XPO4: variants seen among roughly 807,000 people sequenced by gnomAD.
XPO4 encodes exportin 4.
Under a neutral mutation model 143.0 loss-of-function variants are expected in XPO4, and 39 were observed. That is an observed-to-expected ratio of 0.27 (90% confidence interval 0.21 to 0.36). The LOEUF (loss-of-function observed/expected upper bound fraction) is 0.36. Among genes scored for constraint, XPO4 ranks in the 10% least tolerant of loss-of-function variants. The pLI, the probability that XPO4 is intolerant of heterozygous loss-of-function variation, is 1.00. For synonymous variants in XPO4, 439 were observed against 474.0 expected (o/e 0.93, Z 0.96); for missense variants, 907 against 1,348.0 (o/e 0.67, Z 5.12).
intron 1 of XPO4, among the ~76,000 whole-genome samples, chr13:20,873,596 A>G (rs2060323213): frequency 6.6e-6 from 1 of 152,192 alleles, no homozygotes; most frequent in Non-Finnish European, 1.5e-5. Context: ...TCCTCAAAAC[A>G]GTCAGGAATC....
chr13:20,833,104 G>C (rs1260644727), intron 6 of XPO4, among the ~76,000 whole-genome samples: 1 of 152,108 alleles, frequency 6.6e-6, no homozygotes, highest in Non-Finnish European at 1.5e-5. Flanking sequence ...AAGCATTTAT[G>C]AACACCAGGT....
rs1017821348 is a variant in XPO4 at position 20,851,245 on chromosome 13, C to T, written c.456+4382G>A. The T allele has an allele frequency of 2.9e-5, 29 of 985,340 alleles. No individual in the cohort carries two copies. In the East Asian group the frequency reaches 3.0e-3, roughly 100 times the overall value. 61.0% of individuals were successfully genotyped at this position (985,340 alleles called of 1,614,324 possible). On this transcript the variant is annotated intron_variant, in intron 4 of 22. Transcript: ENST00000255305. ...CTAGTTTCAAGCTACTGGGCAAGGA[C>T]AAATAGGGACAGTGTATGCATTTAA...
At chr13:20,849,155 T>C in intron 4 of XPO4, 3 of 985,434 alleles carry the variant, frequency 3.0e-6, no homozygotes, top group Non-Finnish European at 3.6e-6. Flanking sequence ...TCTCTTATAA[T>C]AGCCTGGCTC....
chr13:20,783,733 A>G lies in XPO4; in HGVS notation c.3445T>C (p.Cys1149Arg). The G allele has an allele frequency of 6.2e-7, 1 of 1,614,200 alleles. No homozygotes were observed. The highest frequency in any genetic ancestry group is 1.1e-5 in the South Asian group (1 of 91,090). Residue 1149 changes from cysteine (C) to arginine (R), a missense_variant, in exon 23 of 23, where the codon TGT becomes CGT. Cys to Arg is a radical substitution (Grantham distance 180). Coordinates refer to ENST00000255305, the MANE Select transcript of XPO4 (RefSeq NM_022459.5). ...EFMANVGGLL[C>R]VK ...TAAAGTTCTGTTGTTTATTTTACAC[A>G]AAGGAGACCACCAACATTTGCCATA...
intron 1 of XPO4, among the ~76,000 whole-genome samples, chr13:20,896,476 TTA>T (rs1301249632): frequency 6.6e-6 from 1 of 152,212 alleles, no homozygotes; most frequent in Non-Finnish European, 1.5e-5. Context: ...GCCCTATAAT[TTA>T]TTTCTACAGT....
intron 4 of XPO4, among the ~76,000 whole-genome samples, chr13:20,854,747 A>C (rs1245534697): frequency 6.6e-6 from 1 of 152,180 alleles, no homozygotes; most frequent in African/African-American, 2.4e-5. Context: ...ATTACAACCA[A>C]ACAGCCACTC....
In XPO4 at chr13:20,868,712, A is replaced by G; in HGVS notation, c.70-11T>C. ...CATGGAAGGTGGTGCCTTGAGAGTT[A>G]AAGACAAGAACAGATACACTTATCT... On this transcript the variant is annotated splice_polypyrimidine_tract_variant and intron_variant, in intron 1 of 22. Transcript: ENST00000255305. 6.2e-7 allele frequency: 1 copy of G among 1,610,136 alleles called. No homozygotes were observed. Among genetic ancestry groups the G allele is most frequent in the South Asian group, 1.1e-5 (1 of 90,600 alleles).
chr13:20,796,646 T>C, intron 17 of XPO4, 118 bp downstream of exon 17: 1 of 848,268 alleles, frequency 1.2e-6, no homozygotes, highest in Non-Finnish European at 1.6e-6. Context: ...AAAAATCTTT[T>C]GAAGGAATAA....
intron 1 of XPO4, among the ~76,000 whole-genome samples, chr13:20,871,390 G>A (rs548226627): frequency 6.6e-6 from 1 of 152,252 alleles, no homozygotes; most frequent in South Asian, 2.1e-4. Context: ...CATGATCATA[G>A]TTCACTGTAA....
intron 1 of XPO4, among the ~76,000 whole-genome samples, chr13:20,891,861 T>C (rs1336089173): frequency 5.7e-5 from 6 of 104,458 alleles, no homozygotes; most frequent in African/African-American, 1.5e-4. Context: ...AGACTCCATC[T>C]CCAAAAAAAA....
chr13:20,849,624 T>C (rs2060063828), intron 4 of XPO4: 1 of 985,184 alleles, frequency 1.0e-6, no homozygotes, highest in Admixed American at 6.1e-5. Context: ...ACATCATAAC[T>C]GCCCACAAGC....
At chr13:20,821,908 G>A (rs761112756) in intron 8 of XPO4, 30 bp from the exon 9 acceptor site, 48 of 1,562,518 alleles carry the variant, frequency 3.1e-5, no homozygotes, top group Non-Finnish European at 4.0e-5. Flanking sequence ...ATTATTAAGT[G>A]GCAGTAAAAG....
rs749519832 is a variant in XPO4 at position 20,835,129 on chromosome 13, C to T, written c.727+7766G>A. 1.2e-3 allele frequency among the ~76,000 whole-genome samples: 179 copies of T among 152,098 alleles called. 1 individual carries two copies. The highest frequency in any genetic ancestry group is 7.1e-4 in the Non-Finnish European group (48 of 68,022). On this transcript the variant is annotated intron_variant, in intron 6 of 22. Coordinates refer to ENST00000255305, the MANE Select transcript of XPO4 (RefSeq NM_022459.5). ...AAGCCATACTCCTGCCTTGGCCTCC[C>T]AAAGTGCTGAGATTCAGGTGTTAGC...
At chr13:20,870,799 T>C (rs978396415) in intron 1 of XPO4, among the ~76,000 whole-genome samples, 3 of 152,096 alleles carry the variant, frequency 2.0e-5, no homozygotes, top group African/African-American at 7.2e-5. Flanking sequence ...TCAAATTATT[T>C]TGTTTGCTTT....
At chr13:20,888,281 A>AT (rs1488539461) in intron 1 of XPO4, among the ~76,000 whole-genome samples, 4 of 151,948 alleles carry the variant, frequency 2.6e-5, no homozygotes, top group Non-Finnish European at 5.9e-5. Flanking sequence ...ATTACCCTCA[A>AT]TTTTTTTTAC....
intron 13 of XPO4, among the ~76,000 whole-genome samples, chr13:20,805,583 T>C (rs1413078076): frequency 1.3e-5 from 2 of 152,164 alleles, no homozygotes; most frequent in Non-Finnish European, 2.9e-5. Flanking sequence ...CCAAGTCACC[T>C]TCTAGATAAA....
intron 1 of XPO4, among the ~76,000 whole-genome samples, chr13:20,892,888 AT>A (rs2060531879): frequency 7.8e-6 from 1 of 127,914 alleles, no homozygotes; most frequent in African/African-American, 2.5e-5. Flanking sequence ...AAAGTAAAAA[AT>A]AAAAAAAAAA....
chr13:20,854,524 AT>A (rs1447491132), intron 4 of XPO4, among the ~76,000 whole-genome samples: 34 of 152,354 alleles, frequency 2.2e-4, no homozygotes, highest in African/African-American at 8.2e-4. Context: ...TCACATAGAT[AT>A]CTTTAAAATG....
chr13:20,864,971 T>C (rs2138127637), intron 2 of XPO4, among the ~76,000 whole-genome samples: 1 of 152,156 alleles, frequency 6.6e-6, no homozygotes, highest in African/African-American at 2.4e-5. Flanking sequence ...CTGTCATAAA[T>C]TTAACTTATA....
Sources: gnomAD v4.1 joint callset for allele counts (sites outside exome capture counted in the v4.1 genomes callset) on GRCh38, gnomAD v4.1.1 for gene constraint, MANE v1.5 for transcripts, NCBI Gene and HGNC (gene_info 2026-07-23, HGNC 2026-07-21) for gene names.